Variants in ARHGEF4 observed in about 807,000 individuals in gnomAD.
ARHGEF4 encodes the protein Rho guanine nucleotide exchange factor 4.
ARHGEF4 carries 119 observed loss-of-function variants against 162.0 expected under a neutral mutation model. That is an observed-to-expected ratio of 0.73 (90% confidence interval 0.63 to 0.86). ARHGEF4 has a LOEUF of 0.86. Ranked by LOEUF, ARHGEF4 falls within the 40% of genes least tolerant of loss-of-function variation. ARHGEF4 has a pLI of 0.00. For synonymous variants in ARHGEF4, 1,014 were observed against 979.9 expected (o/e 1.03, Z -0.65); for missense variants, 2,488 against 2,456.0 (o/e 1.01, Z -0.28).
rs1690667714 is a variant in ARHGEF4 at position 131,040,099 on chromosome 2, G to A, written c.4389G>A (p.Ala1463=). 1 of 1,610,146 alleles carries A rather than the reference G, an allele frequency of 6.2e-7. No homozygotes were observed. Among genetic ancestry groups the A allele is most frequent in the East Asian group, 2.2e-5 (1 of 44,678 alleles). ...NSGAEDGGAE[A]QSSKDQMRTN... is the part of the protein sequence containing the mutation. ...GAGCGGAGGACGGCGGGGCGGAGGC[G>A]CAGAGCAGCAAGGACCAGATGCGGA... Residue 1463 remains alanine, a synonymous_variant, in exon 7 of 14, where the codon GCG becomes GCA. Coordinates refer to ENST00000409359, the MANE Select transcript of ARHGEF4 (RefSeq NM_001367493.1).
intron 1 of ARHGEF4, among the ~76,000 whole-genome samples, chr2:130,896,205 C>T (rs1194570423): frequency 6.6e-6 from 1 of 152,162 alleles, no homozygotes; most frequent in African/African-American, 2.4e-5. Context: ...ATATGTGGAA[C>T]CTCTTACATA....
chr2:130,876,546 C>T (rs1405593913), intron 1 of ARHGEF4, among the ~76,000 whole-genome samples: 1 of 152,158 alleles, frequency 6.6e-6, no homozygotes. Context: ...GGCCCGCCAA[C>T]ATACTCGGCT....
intron 4 of ARHGEF4, among the ~76,000 whole-genome samples, chr2:130,954,286 A>C (rs1684133702): frequency 2.0e-5 from 3 of 152,350 alleles, no homozygotes; most frequent in Admixed American, 1.3e-4. Context: ...CATCATTCTG[A>C]GCAAACTATC....
chr2:130,891,940 A>G (rs1406613364), intron 1 of ARHGEF4, among the ~76,000 whole-genome samples: 1 of 152,142 alleles, frequency 6.6e-6, no homozygotes, highest in Non-Finnish European at 1.5e-5. Context: ...TTGCTTACAG[A>G]AACAGGTGGC....
chr2:131,043,584 G>T lies in ARHGEF4; in HGVS notation c.5157+1G>T. 2 of 1,613,936 alleles carry T rather than the reference G, an allele frequency of 1.2e-6. No individual in the cohort carries two copies. Among genetic ancestry groups the T allele is most frequent in the African/African-American group, 1.3e-5 (1 of 75,062 alleles). On this transcript the variant is annotated splice_donor_variant, in intron 11 of 13. Coordinates refer to ENST00000409359, the MANE Select transcript of ARHGEF4 (RefSeq NM_001367493.1). LOFTEE classifies it high-confidence loss of function. Reference sequence around the variant, plus strand: ...CCACCAGCTCATCTACTGTAAGAAGGTACCAGAGCTGCTCTGCCCTGCTGC... The same window carrying T: ...CCACCAGCTCATCTACTGTAAGAAGTTACCAGAGCTGCTCTGCCCTGCTGC...
At position 131,040,124 on chromosome 2, in the gene ARHGEF4, A is replaced by C; in HGVS notation, c.4414A>C (p.Thr1472Pro). 1 of 1,613,258 alleles carries C rather than the reference A, an allele frequency of 6.2e-7. No individual in the cohort carries two copies. Among genetic ancestry groups the C allele is most frequent in the South Asian group, 1.1e-5 (1 of 91,042 alleles). Residue 1472 changes from threonine to proline, a missense_variant, in exon 7 of 14, where the codon ACC (threonine) becomes CCC (proline). Physicochemically the swap from Thr to Pro is conservative, Grantham distance 38. This residue lies in a region of ARHGEF4 where 174 missense variants were observed against 148.3 expected (regional missense o/e 1.17). Coordinates refer to ENST00000409359, the MANE Select transcript of ARHGEF4 (RefSeq NM_001367493.1). Reference protein sequence around the residue: ...EAQSSKDQMRTNVINEILSTE... With the variant: ...EAQSSKDQMRPNVINEILSTE... The stretch of plus-strand genomic sequence containing the variant: ...GCAGAGCAGCAAGGACCAGATGCGG[A>C]CCAACGTCATCAACGAGATCCTCAG...
chr2:131,021,474 T>G (rs1182832578), intron 4 of ARHGEF4, among the ~76,000 whole-genome samples: 3 of 152,112 alleles, frequency 2.0e-5, no homozygotes, highest in African/African-American at 7.2e-5. Flanking sequence ...TATACAAAAA[T>G]TAATTCAAGA....
At chr2:131,039,322 T>C in intron 6 of ARHGEF4, 1 of 1,209,378 alleles carries the variant, frequency 8.3e-7, no homozygotes, top group Non-Finnish European at 1.0e-6. Context: ...CGCTAGACAT[T>C]TCCCAAGCCC....
At chr2:130,964,755 G>T (rs183371904) in intron 4 of ARHGEF4, among the ~76,000 whole-genome samples, 24 of 152,310 alleles carry the variant, frequency 1.6e-4, no homozygotes, top group African/African-American at 4.8e-4. Context: ...AGCTCCCAGC[G>T]GAGGCAGCTG....
chr2:131,028,009 G>A lies in ARHGEF4; in HGVS notation c.4050G>A (p.Leu1350=). ...CADEVGSEED[L]YDDLHSSSHH... The stretch of plus-strand genomic sequence containing the variant: ...ACGAAGTGGGGAGCGAGGAGGACCT[G>A]TATGATGACCTGCACAGCTCCAGCC... The change falls in exon 5 of 14, where the codon CTG becomes CTA. Residue 1350 remains leucine (L), a synonymous_variant. Transcript: ENST00000409359. 2 of 1,614,104 alleles carry A rather than the reference G, an allele frequency of 1.2e-6. No individual in the cohort carries two copies. Among genetic ancestry groups the A allele is most frequent in the East Asian group, 2.2e-5 (1 of 44,890 alleles).
At position 130,915,360 on chromosome 2, in the gene ARHGEF4, G is replaced by A; in HGVS notation, c.1414G>A (p.Glu472Lys). The stretch of plus-strand genomic sequence containing the variant: ...GCAAAGCCCAGAAAGCAGAACCCAG[G>A]AACCCCAAGGCACCCAACTCGCACC... ...SEQSPESRTQ[E>K]PQGTQLAPRA... The change falls in exon 2 of 14, where the codon GAA (glutamate) becomes AAA (lysine). Residue 472 changes from glutamate (E) to lysine (K), a missense_variant. Glu to Lys is a moderately conservative substitution (Grantham distance 56). Coordinates refer to ENST00000409359, the MANE Select transcript of ARHGEF4 (RefSeq NM_001367493.1). 1 of 1,550,646 alleles carries A rather than the reference G, an allele frequency of 6.4e-7. No individual in the cohort carries two copies. The highest frequency in any genetic ancestry group is 8.7e-7 in the Non-Finnish European group (1 of 1,147,030).
At chr2:130,865,911 T>G (rs1376182391) in intron 1 of ARHGEF4, among the ~76,000 whole-genome samples, 2 of 152,152 alleles carry the variant, frequency 1.3e-5, no homozygotes, top group Non-Finnish European at 2.9e-5. Flanking sequence ...AGCAGTAGAC[T>G]CACACCCCAT....
intron 4 of ARHGEF4, among the ~76,000 whole-genome samples, chr2:130,985,592 T>TCTTTGG (rs995969194): frequency 6.6e-6 from 1 of 152,116 alleles, no homozygotes; most frequent in African/African-American, 2.4e-5. Context: ...GAGTTTCAGT[T>TCTTTGG]CTTTGATACT....
intron 13 of ARHGEF4, 138 bp from the exon 14 acceptor site, chr2:131,045,900 G>T: frequency 4.0e-6 from 6 of 1,493,820 alleles, no homozygotes; most frequent in Non-Finnish European, 5.3e-6. Context: ...CTCTCCAGGA[G>T]CAAGTCCTGT....
chr2:130,894,405 T>G (rs1287012163), intron 1 of ARHGEF4, among the ~76,000 whole-genome samples: 1 of 151,636 alleles, frequency 6.6e-6, no homozygotes, highest in African/African-American at 2.4e-5. Flanking sequence ...TGTTGAAGAG[T>G]TCAGAGCCCC....
intron 3 of ARHGEF4, among the ~76,000 whole-genome samples, chr2:130,932,258 G>A (rs1015639174): frequency 6.6e-6 from 1 of 152,120 alleles, no homozygotes; most frequent in African/African-American, 2.4e-5. Context: ...GTAACATTTC[G>A]TTATGTGATT....
At chr2:131,030,056 A>G (rs4850254) in intron 5 of ARHGEF4, among the ~76,000 whole-genome samples, 127,807 of 152,186 alleles carry the variant, frequency 0.84, 56,302 homozygotes, top group Non-Finnish European at 0.97. Context: ...CAGCAGGGTG[A>G]GCTCTCAGTA....
intron 4 of ARHGEF4, among the ~76,000 whole-genome samples, chr2:130,991,872 G>A (rs1034610318): frequency 2.0e-5 from 3 of 152,246 alleles, no homozygotes; most frequent in Non-Finnish European, 2.9e-5. Context: ...CTGCAGCCCC[G>A]GTGCGGGATC....
At chr2:130,850,463 G>A (rs1681330744) in intron 1 of ARHGEF4, among the ~76,000 whole-genome samples, 1 of 152,224 alleles carries the variant, frequency 6.6e-6, no homozygotes, top group Non-Finnish European at 1.5e-5. Context: ...AGTCCTGGGA[G>A]CCTCTCCAGC....
Sources: gnomAD v4.1 joint callset for allele counts (sites outside exome capture counted in the v4.1 genomes callset) on GRCh38, gnomAD v4.1.1 for gene constraint, gnomAD v4.1.1 regional missense constraint, MANE v1.5 for transcripts, NCBI Gene and HGNC (gene_info 2026-07-23, HGNC 2026-07-21) for gene names.